The following EBI3 variants were observed in gnomAD, a reference collection of about 807,000 sequenced individuals.
The protein encoded by EBI3 is interleukin-27 subunit beta.
Under a neutral mutation model 21.3 loss-of-function variants are expected in EBI3, and 19 were observed. That is an observed-to-expected ratio of 0.89 (90% CI 0.62 to 1.31). The LOEUF (loss-of-function observed/expected upper bound fraction) is 1.31, where lower values mean the gene tolerates loss of function less well. Ranked by LOEUF, EBI3 falls within the 50% of genes most tolerant of loss-of-function variation. The probability of loss-of-function intolerance (pLI) is 0.00; values close to 1 mark genes in which losing one functional copy is unlikely to be tolerated. For synonymous variants in EBI3, 154 were observed against 131.2 expected (o/e 1.17, Z -1.19); for missense variants, 331 against 314.0 (o/e 1.05, Z -0.41).
chr19:4,232,752 T>G (rs752157378), intron 2 of EBI3, among the ~76,000 whole-genome samples: 3 of 33,784 alleles, frequency 8.9e-5, no homozygotes, highest in African/African-American at 9.3e-4. Context: ...AGGGATGAAT[T>G]AATGAATGAA....
At chr19:4,236,570 G>C (rs1970840397) in intron 4 of EBI3, among the ~76,000 whole-genome samples, 1 of 147,872 alleles carries the variant, frequency 6.8e-6, no homozygotes, top group Non-Finnish European at 1.5e-5. Context: ...GGGACCAGGG[G>C]TAAAGGGAGG....
chr19:4,234,899 G>A (rs1970823793), intron 4 of EBI3, 75 bp downstream of exon 4: 3 of 1,573,666 alleles, frequency 1.9e-6, no homozygotes, highest in Non-Finnish European at 2.6e-6. Context: ...ACTAGCAGGT[G>A]TGCTGGGCTC....
rs71166979 is a variant in EBI3, at chr19:4,232,222, CAAAAAAAAAAA to C, written c.201-894_201-884del. 7.6e-3 allele frequency among the ~76,000 whole-genome samples: 441 copies of C among 57,842 alleles called. 7 individuals are homozygous for C. The highest frequency in any genetic ancestry group is 0.038 in the African/African-American group (422 of 11,082). 37.9% of individuals were successfully genotyped at this position (57,842 alleles called of 152,430 possible). ...CTGGTGATAGAGTGAGACCCCGTCT[CAAAAAAAAAAA>C]AAAAAAAAAAAAGAAAAGAAAAGAA... is the stretch of plus-strand genomic sequence containing the variant. On this transcript the variant is annotated intron_variant, in intron 2 of 4. Coordinates refer to ENST00000221847, the MANE Select transcript of EBI3 (RefSeq NM_005755.3).
In EBI3 at chr19:4,231,217, C is replaced by T. The variant is rs756141656; in HGVS notation, c.94C>T (p.Arg32Trp). 191 of 1,605,368 alleles carry T rather than the reference C, an allele frequency of 1.2e-4. No individual in the cohort carries two copies. The highest frequency in any genetic ancestry group is 3.4e-4 in the Middle Eastern group (2 of 5,970). The part of the protein sequence containing the change: ...KGPPAALTLP[R>W]VQCRASRYPI... The stretch of plus-strand genomic sequence containing the variant: ...GCCCCCAGCAGCTCTGACACTGCCC[C>T]GGGTGCAATGCCGAGCCTCTCGGTA... The change falls in exon 2 of 5, where the codon CGG (arginine) becomes TGG (tryptophan). Residue 32 changes from arginine (R) to tryptophan (W), a missense_variant. Coordinates refer to ENST00000221847, the MANE Select transcript of EBI3 (RefSeq NM_005755.3).
intron 3 of EBI3, among the ~76,000 whole-genome samples, chr19:4,234,072 G>A (rs1191167340): frequency 6.6e-6 from 1 of 152,188 alleles, no homozygotes; most frequent in Non-Finnish European, 1.5e-5. Context: ...TGGGCATAGT[G>A]GCAGGTGCCT....
At position 4,231,519 on chromosome 19, in the gene EBI3, C is replaced by G. The variant is rs144507434; in HGVS notation, c.200+196C>G. ...GCACAGTGGTGCATGCCTGTAATCC[C>G]AGCGCTTTGGGAGGCCGAGGTGGGC... On this transcript the variant is annotated intron_variant, in intron 2 of 4. Transcript: ENST00000221847. Among the ~76,000 whole-genome samples the G allele has an allele frequency of 7.2e-5, 11 of 152,320 alleles. No individual in the cohort carries two copies. In the East Asian group the frequency reaches 1.9e-3, roughly 27 times the overall value.
intron 2 of EBI3, among the ~76,000 whole-genome samples, chr19:4,232,715 C>A (rs1421423440): frequency 4.6e-5 from 7 of 151,532 alleles, no homozygotes; most frequent in Admixed American, 3.9e-4. Flanking sequence ...CAGAGGGAGA[C>A]CCTGTCATGA....
Position 4,231,240 on chromosome 19 carries a change from G to T in EBI3, c.117G>T (p.Arg39=). ...TLPRVQCRAS[R]YPIAVDCSWT... The stretch of plus-strand genomic sequence containing the variant: ...CCCGGGTGCAATGCCGAGCCTCTCG[G>T]TACCCGATCGCCGTGGATTGCTCCT... Residue 39 remains arginine, a synonymous_variant, in exon 2 of 5, where the codon CGG becomes CGT. Transcript: ENST00000221847. 6.2e-7 allele frequency: 1 copy of T among 1,612,338 alleles called. No homozygotes were observed. Among genetic ancestry groups the T allele is most frequent in the South Asian group, 1.1e-5 (1 of 90,888 alleles).
intron 1 of EBI3, 114 bp downstream of exon 1, chr19:4,229,731 A>G (rs1423915343): frequency 1.8e-6 from 2 of 1,127,902 alleles, no homozygotes; most frequent in Non-Finnish European, 2.5e-6. Context: ...CAATGGTGGG[A>G]TGGGGTTACC....
chr19:4,235,351 G>C (rs372488331), intron 4 of EBI3, among the ~76,000 whole-genome samples: 2 of 137,806 alleles, frequency 1.5e-5, no homozygotes, highest in Admixed American at 6.9e-5. Context: ...ACAAGGTCTA[G>C]CTCTGTCACC....
chr19:4,231,359 G>A, intron 2 of EBI3, 36 bp downstream of exon 2: 1 of 1,573,550 alleles, frequency 6.4e-7, no homozygotes. Flanking sequence ...AGGGACACTG[G>A]ACTTCCTGGA....
Position 4,233,023 on chromosome 19 carries a change from C to T in EBI3, c.201-106C>T, listed in dbSNP as rs536568296. ...ACCCCGGGATCCCCATCCGCTGCCC[C>T]CTCCTGTTCCTGCCTCTCCTTGGGG... On this transcript the variant is annotated intron_variant, in intron 2 of 4. Coordinates refer to ENST00000221847, the MANE Select transcript of EBI3 (RefSeq NM_005755.3). 23 of 1,306,724 alleles carry T rather than the reference C, an allele frequency of 1.8e-5. No individual in the cohort carries two copies. In the East Asian group the frequency reaches 3.2e-4, roughly 18 times the overall value. The allele number at this position is 1,306,724 out of a possible 1,614,324, so 80.9% of individuals were successfully genotyped here. A position where few individuals can be genotyped will look rare whatever the true frequency, so the allele number is the denominator to read the frequency against.
At chr19:4,233,705 C>A (rs1970812117) in intron 3 of EBI3, among the ~76,000 whole-genome samples, 1 of 152,188 alleles carries the variant, frequency 6.6e-6, no homozygotes, top group South Asian at 2.1e-4. Context: ...CCTGTCTCCC[C>A]CTTGCTCACT....
intron 3 of EBI3, 139 bp downstream of exon 3, chr19:4,233,446 C>T (rs1469497186): frequency 1.0e-6 from 1 of 991,580 alleles, no homozygotes; most frequent in African/African-American, 1.6e-5. Flanking sequence ...CTTCCCCCTC[C>T]TCTACCAGTA....
chr19:4,237,225 C>T lies in EBI3; in HGVS notation c.*137C>T. 9.6e-7 allele frequency: 1 copy of T among 1,043,830 alleles called. No individual in the cohort carries two copies. Among genetic ancestry groups the T allele is most frequent in the Non-Finnish European group, 1.3e-6 (1 of 779,406 alleles). 64.7% of individuals were successfully genotyped at this position (1,043,830 alleles called of 1,614,324 possible). On this transcript the variant is annotated 3_prime_UTR_variant, in exon 5 of 5. Coordinates refer to ENST00000221847, the MANE Select transcript of EBI3 (RefSeq NM_005755.3). ...TTGCTGCTGCTGAGCTGCCGGGCAA[C>T]CTCAGATGACCGACTTTTCCCTTTG...
At position 4,232,545 on chromosome 19, in the gene EBI3, C is replaced by T. The variant is rs574217141; in HGVS notation, c.201-584C>T. Among the ~76,000 whole-genome samples the T allele has an allele frequency of 6.3e-4, 95 of 150,542 alleles. 1 individual carries two copies. The highest frequency in any genetic ancestry group is 9.2e-4 in the Non-Finnish European group (62 of 67,516). ...CCAGCCTGGGCAACATACTGAGACC[C>T]CCCCCCATCTGTAGAAAAAAAATTT... On this transcript the variant is annotated intron_variant, in intron 2 of 4. Coordinates refer to ENST00000221847, the MANE Select transcript of EBI3 (RefSeq NM_005755.3).
At chr19:4,234,140 AG>A (rs1970815714) in intron 3 of EBI3, among the ~76,000 whole-genome samples, 1 of 152,182 alleles carries the variant, frequency 6.6e-6, no homozygotes, top group Admixed American at 6.6e-5. Flanking sequence ...CAGGAGGTGG[AG>A]GTTGCCGTGA....
chr19:4,232,898 T>C (rs1320104788), intron 2 of EBI3: 4 of 443,292 alleles, frequency 9.0e-6, no homozygotes, highest in Non-Finnish European at 1.6e-5. Flanking sequence ...CCCTAGCATC[T>C]AGCTTGGGTT....
intron 2 of EBI3, among the ~76,000 whole-genome samples, chr19:4,232,791 G>GGAT (rs1970799619): frequency 1.7e-5 from 1 of 60,044 alleles, no homozygotes; most frequent in South Asian, 2.9e-4. Context: ...AATGAATGAA[G>GGAT]GAATGAATTA....
Sources: gnomAD v4.1 joint callset for allele counts (sites outside exome capture counted in the v4.1 genomes callset) on GRCh38, gnomAD v4.1.1 for gene constraint, MANE v1.5 for transcripts, NCBI Gene and HGNC (gene_info 2026-07-23, HGNC 2026-07-21) for gene names.